The following TNIK variants were observed in gnomAD, a reference collection of about 807,000 sequenced individuals.
TNIK encodes TRAF2 and NCK-interacting protein kinase.
TNIK carries 49 observed loss-of-function variants against 191.3 expected under a neutral mutation model. The ratio of observed to expected loss-of-function variants is 0.26; its 90% CI spans 0.20 to 0.32. TNIK has a LOEUF of 0.32. Ranked by LOEUF, TNIK falls within the 10% of genes least tolerant of loss-of-function variation. The pLI, the probability that TNIK is intolerant of heterozygous loss-of-function variation, is 1.00. For synonymous variants in TNIK, 594 were observed against 600.9 expected, an observed-to-expected ratio of 0.99 and a Z score of 0.17; for missense variants, 1,155 against 1,702.3, an observed-to-expected ratio of 0.68 and a Z score of 5.66.
intron 2 of TNIK, among the ~76,000 whole-genome samples, chr3:171,334,098 TG>T (rs1756707113): frequency 6.6e-6 from 1 of 152,122 alleles, no homozygotes; most frequent in Non-Finnish European, 1.5e-5. Context: ...AGTACAGCAC[TG>T]GACAGTGGGT....
intron 18 of TNIK, among the ~76,000 whole-genome samples, chr3:171,114,889 A>G (rs1726435654): frequency 6.6e-6 from 1 of 152,254 alleles, no homozygotes; most frequent in African/African-American, 2.4e-5. Flanking sequence ...ATAAATGTGT[A>G]ATAGCTCTGA....
At chr3:171,416,071 C>T (rs533496407) in intron 1 of TNIK, among the ~76,000 whole-genome samples, 1 of 151,538 alleles carries the variant, frequency 6.6e-6, no homozygotes, top group East Asian at 1.9e-4. Context: ...TCCCCTTCTA[C>T]CCCCCAGGCA....
chr3:171,139,667 G>T (rs1055480194), intron 13 of TNIK, 111 bp from the exon 14 acceptor site: 3 of 764,720 alleles, frequency 3.9e-6, no homozygotes, highest in East Asian at 5.9e-5. Context: ...GGAAGGAGGG[G>T]AAAAATACCC....
chr3:171,067,212 A>G (rs1409545746), intron 30 of TNIK, among the ~76,000 whole-genome samples: 1 of 152,218 alleles, frequency 6.6e-6, no homozygotes, highest in Non-Finnish European at 1.5e-5. Flanking sequence ...AGGAGAATGT[A>G]AGCCAGCTGA....
chr3:171,452,257 G>A (rs1242077411), intron 1 of TNIK, among the ~76,000 whole-genome samples: 5 of 152,114 alleles, frequency 3.3e-5, no homozygotes, highest in African/African-American at 1.2e-4. Context: ...GGGATGTTAC[G>A]TTCAGTGGCA....
At chr3:171,199,787 A>G (rs186332263) in intron 4 of TNIK, among the ~76,000 whole-genome samples, 4 of 152,348 alleles carry the variant, frequency 2.6e-5, no homozygotes, top group African/African-American at 9.6e-5. Flanking sequence ...TGATGTGAAC[A>G]TTAATTGTGA....
intron 1 of TNIK, among the ~76,000 whole-genome samples, chr3:171,420,760 C>T (rs182246206): frequency 4.6e-4 from 70 of 152,230 alleles, no homozygotes; most frequent in African/African-American, 1.7e-3. Flanking sequence ...AAGGGTTACT[C>T]GAACGCAAGC....
intron 7 of TNIK, among the ~76,000 whole-genome samples, chr3:171,183,391 T>C (rs1736917398): frequency 6.6e-6 from 1 of 152,218 alleles, no homozygotes; most frequent in African/African-American, 2.4e-5. Context: ...CAGCATACTG[T>C]ATCACAGAGC....
intron 2 of TNIK, 143 bp from the exon 3 acceptor site, chr3:171,228,364 C>A (rs1467372824): frequency 4.9e-5 from 37 of 759,848 alleles, no homozygotes; most frequent in Middle Eastern, 2.5e-4. Context: ...CACAGAAACA[C>A]CATGTCTACT....
intron 2 of TNIK, among the ~76,000 whole-genome samples, chr3:171,243,194 G>A (rs184819949): frequency 1.3e-3 from 201 of 152,094 alleles, no homozygotes; most frequent in Non-Finnish European, 1.4e-3. Context: ...CACTTTCAGT[G>A]GAGTTGTCTA....
At chr3:171,290,510 G>A (rs1395840549) in intron 2 of TNIK, among the ~76,000 whole-genome samples, 1 of 152,124 alleles carries the variant, frequency 6.6e-6, no homozygotes, top group Non-Finnish European at 1.5e-5. Context: ...GTGAGAAATG[G>A]CAATTATTAT....
intron 2 of TNIK, among the ~76,000 whole-genome samples, chr3:171,272,246 C>T (rs1284147272): frequency 6.6e-6 from 1 of 152,200 alleles, no homozygotes; most frequent in East Asian, 1.9e-4. Context: ...CAAAGTCCTC[C>T]TGTTGAGGTC....
intron 2 of TNIK, among the ~76,000 whole-genome samples, chr3:171,319,727 GGAAC>G (rs1754989140): frequency 1.3e-5 from 2 of 152,208 alleles, no homozygotes; most frequent in African/African-American, 2.4e-5. Context: ...TCAACCAAAA[GGAAC>G]GAGACCTTTT....
chr3:171,174,474 G>A (rs1320265325), intron 9 of TNIK, among the ~76,000 whole-genome samples: 1 of 152,170 alleles, frequency 6.6e-6, no homozygotes, highest in African/African-American at 2.4e-5. Context: ...TAGGAAGAAA[G>A]GAGGAAGCAA....
At chr3:171,137,108 C>CTTTTTTTTTTTTTTTTTTTTT (rs71176593) in intron 15 of TNIK, among the ~76,000 whole-genome samples, 1 of 104,162 alleles carries the variant, frequency 9.6e-6, no homozygotes, top group Non-Finnish European at 1.8e-5. Flanking sequence ...TTTAAAAATC[C>CTTTTTTTTTTTTTTTTTTTTT]TTTTTTTTTT....
At chr3:171,186,839 T>G (rs1411788283) in intron 7 of TNIK, among the ~76,000 whole-genome samples, 1 of 152,236 alleles carries the variant, frequency 6.6e-6, no homozygotes, top group East Asian at 1.9e-4. Context: ...AGTTATGCAC[T>G]GGTCTCACAC....
intron 17 of TNIK, among the ~76,000 whole-genome samples, chr3:171,124,232 A>T (rs933220885): frequency 6.6e-5 from 10 of 152,226 alleles, no homozygotes; most frequent in Admixed American, 6.5e-4. Context: ...AACCTACCAC[A>T]GTAGATCTTG....
intron 2 of TNIK, among the ~76,000 whole-genome samples, chr3:171,316,644 A>G (rs904790919): frequency 6.6e-6 from 1 of 152,116 alleles, no homozygotes; most frequent in African/African-American, 2.4e-5. Context: ...CCTATAAACT[A>G]GGCTATTCTG....
intron 5 of TNIK, among the ~76,000 whole-genome samples, chr3:171,192,661 AC>A (rs1738200913): frequency 6.6e-6 from 1 of 152,240 alleles, no homozygotes; most frequent in Non-Finnish European, 1.5e-5. Context: ...ATTGGGCAGA[AC>A]CAGCCCTAGA....
Sources: gnomAD v4.1 joint callset for allele counts (sites outside exome capture counted in the v4.1 genomes callset) on GRCh38, gnomAD v4.1.1 for gene constraint, MANE v1.5 for transcripts, NCBI Gene and HGNC (gene_info 2026-07-23, HGNC 2026-07-21) for gene names.